Variants in SPMIP4 observed in about 807,000 individuals in gnomAD.
SPMIP4 encodes sperm microtubule inner protein 4, also known as sperm-associated microtubule inner protein 4.
chr7:25,179,162 G>C, the SPMIP4 span: 1 of 1,580,956 alleles, frequency 6.3e-7, no homozygotes, highest in Non-Finnish European at 8.6e-7. Flanking sequence ...GCTTTTTCTA[G>C]TTTTTGTTTT....
At chr7:25,143,756 T>A in the SPMIP4 span, among the ~76,000 whole-genome samples, 1 of 152,000 alleles carries the variant, frequency 6.6e-6, no homozygotes, top group Non-Finnish European at 1.5e-5. Context: ...CACTCCTGGC[T>A]TTTTCTTTAA....
chr7:25,139,950 T>C, the SPMIP4 span, among the ~76,000 whole-genome samples: 1 of 152,240 alleles, frequency 6.6e-6, no homozygotes, highest in African/African-American at 2.4e-5. Context: ...AGGTATATTT[T>C]ATCTCGTTAT....
the SPMIP4 span, among the ~76,000 whole-genome samples, chr7:25,172,356 C>T: frequency 6.6e-6 from 1 of 152,096 alleles, no homozygotes; most frequent in Non-Finnish European, 1.5e-5. This position sits in a 1 kb window ranked among gnomAD's most constrained non-coding sequence, Gnocchi z 4.2. Flanking sequence ...GAGGAGCCAG[C>T]AGGATGGTGA....
At chr7:25,165,742 A>G in the SPMIP4 span, among the ~76,000 whole-genome samples, 1 of 152,180 alleles carries the variant, frequency 6.6e-6, no homozygotes, top group Admixed American at 6.5e-5. Flanking sequence ...TGTTTCAGTA[A>G]ATCTGGGGTG....
At chr7:25,142,630 G>T in the SPMIP4 span, 1 of 1,591,970 alleles carries the variant, frequency 6.3e-7, no homozygotes, top group South Asian at 1.1e-5. Context: ...GTATGAAAGT[G>T]AACTCATACC....
the SPMIP4 span, among the ~76,000 whole-genome samples, chr7:25,177,200 G>C: frequency 1.3e-5 from 2 of 152,220 alleles, no homozygotes; most frequent in African/African-American, 4.8e-5. Flanking sequence ...CTGAGGCTGG[G>C]TGACTTCCCG....
chr7:25,179,104 C>T, the SPMIP4 span: 2 of 1,438,150 alleles, frequency 1.4e-6, no homozygotes, highest in Non-Finnish European at 1.9e-6. Context: ...AATGTTTTTC[C>T]TCACATAATA....
chr7:25,137,312 T>TA, the SPMIP4 span, among the ~76,000 whole-genome samples: 1,908 of 139,860 alleles, frequency 0.014, 36 homozygotes, highest in African/African-American at 0.052. Flanking sequence ...TTTTTTTTTT[T>TA]TTTTTTTATT....
chr7:25,150,512 G>A, the SPMIP4 span, among the ~76,000 whole-genome samples: 1 of 152,182 alleles, frequency 6.6e-6, no homozygotes, highest in African/African-American at 2.4e-5. Flanking sequence ...AAATTCAAAT[G>A]TTTTCAACCT....
the SPMIP4 span, among the ~76,000 whole-genome samples, chr7:25,143,886 C>G: frequency 6.6e-6 from 1 of 152,132 alleles, no homozygotes; most frequent in Non-Finnish European, 1.5e-5. Flanking sequence ...CATGAGCTAC[C>G]ATGCTCGACC....
At chr7:25,152,181 C>G in the SPMIP4 span, among the ~76,000 whole-genome samples, 13 of 152,158 alleles carry the variant, frequency 8.5e-5, no homozygotes, top group African/African-American at 2.9e-4. Flanking sequence ...CCTCTGGGGG[C>G]TCAACAAATA....
chr7:25,142,440 C>T, the SPMIP4 span: 1 of 940,396 alleles, frequency 1.1e-6, no homozygotes, highest in Non-Finnish European at 1.5e-6. Context: ...TAATTAGAAC[C>T]AATAAAATGA....
At chr7:25,140,804 C>T in the SPMIP4 span, among the ~76,000 whole-genome samples, 1 of 151,978 alleles carries the variant, frequency 6.6e-6, no homozygotes, top group Non-Finnish European at 1.5e-5. Flanking sequence ...CCAGGCTGGT[C>T]TCGAACTCCT....
the SPMIP4 span, among the ~76,000 whole-genome samples, chr7:25,157,453 C>A: frequency 2.0e-5 from 3 of 151,926 alleles, no homozygotes; most frequent in Non-Finnish European, 4.4e-5. Flanking sequence ...CTGAGGACAC[C>A]TCTGCCGGGC....
the SPMIP4 span, chr7:25,168,335 C>T: frequency 3.1e-6 from 5 of 1,611,914 alleles, no homozygotes; most frequent in Admixed American, 3.4e-5. Flanking sequence ...TGTCCTTTGC[C>T]CATGACACGA....
the SPMIP4 span, among the ~76,000 whole-genome samples, chr7:25,131,939 C>T: frequency 7.9e-5 from 12 of 152,180 alleles, no homozygotes; most frequent in African/African-American, 2.2e-4. The surrounding 1 kb of genome is among the most constrained non-coding windows in gnomAD (Gnocchi z 4.2). Flanking sequence ...AAGTCAGCGG[C>T]GGGTCTGCGA....
At chr7:25,166,806 A>G in the SPMIP4 span, among the ~76,000 whole-genome samples, 1 of 151,994 alleles carries the variant, frequency 6.6e-6, no homozygotes, top group African/African-American at 2.4e-5. Flanking sequence ...GAGGCAGGAG[A>G]ATTGCTTGAA....
At chr7:25,158,801 T>G in the SPMIP4 span, among the ~76,000 whole-genome samples, 1 of 150,918 alleles carries the variant, frequency 6.6e-6, no homozygotes, top group African/African-American at 2.5e-5. Flanking sequence ...TCCCAGCTAC[T>G]CAGGATTACC....
chr7:25,158,865 A>AAT, the SPMIP4 span, among the ~76,000 whole-genome samples: 15,147 of 151,550 alleles, frequency 0.1, 979 homozygotes, highest in East Asian at 0.27. Context: ...AAAAAAAAAA[A>AAT]AAATAATAAT....
Sources: allele counts gnomAD v4.1 joint callset (sites outside exome capture counted in the v4.1 genomes callset), GRCh38; gene constraint gnomAD v4.1.1; non-coding constraint Gnocchi (gnomAD v3.1); transcripts MANE v1.5; gene names NCBI Gene and HGNC (gene_info 2026-07-23, HGNC 2026-07-21).